Variants in SH3BP5 observed in about 807,000 individuals in gnomAD.
The protein encoded by SH3BP5 is SH3 domain binding protein 5, also known as SH3 domain-binding protein 5.
In SH3BP5, 22 loss-of-function variants were observed where a neutral mutation model predicts 43.3. The observed-to-expected ratio is 0.51, with a 90% CI of 0.36 to 0.73. The LOEUF is 0.73. SH3BP5 is among the 30% of genes least tolerant of loss of function. SH3BP5 has a pLI of 0.00. For missense variants in SH3BP5, 529 were observed against 586.9 expected (o/e 0.90, Z 1.02); for synonymous variants, 255 against 225.8 (o/e 1.13, Z -1.16).
At chr3:15,276,682 C>T (rs1215033898) in intron 3 of SH3BP5, among the ~76,000 whole-genome samples, 1 of 152,230 alleles carries the variant, frequency 6.6e-6, no homozygotes, top group East Asian at 1.9e-4. Flanking sequence ...AAGTCATACT[C>T]TAGCAGGTGG....
chr3:15,278,063 C>T (rs1575301938), intron 3 of SH3BP5, among the ~76,000 whole-genome samples: 2 of 152,240 alleles, frequency 1.3e-5, no homozygotes, highest in African/African-American at 4.8e-5. Context: ...CCTCGTGCTT[C>T]GCTGGAGGAA....
chr3:15,262,726 G>A (rs1283225551), intron 4 of SH3BP5, among the ~76,000 whole-genome samples: 2 of 152,116 alleles, frequency 1.3e-5, no homozygotes, highest in Non-Finnish European at 2.9e-5. Context: ...GGGAGGCTGA[G>A]GTGGGTGGAT....
At chr3:15,315,966 G>T (rs1698174438) in intron 2 of SH3BP5, among the ~76,000 whole-genome samples, 1 of 152,110 alleles carries the variant, frequency 6.6e-6, no homozygotes, top group Non-Finnish European at 1.5e-5. Flanking sequence ...ATCAAAGTCA[G>T]AAAATTAACA....
intron 2 of SH3BP5, among the ~76,000 whole-genome samples, chr3:15,322,809 T>C (rs1698362853): frequency 6.6e-6 from 1 of 151,794 alleles, no homozygotes; most frequent in South Asian, 2.1e-4. Context: ...CACCCTACCC[T>C]GGGCAACAGA....
chr3:15,323,220 G>A (rs780677058), intron 2 of SH3BP5, among the ~76,000 whole-genome samples: 27 of 152,298 alleles, frequency 1.8e-4, no homozygotes, highest in Non-Finnish European at 2.8e-4. Context: ...AGGCCACAGC[G>A]CAACGCCCTG....
chr3:15,258,506 G>T (rs974315600), intron 7 of SH3BP5: 4 of 365,240 alleles, frequency 1.1e-5, no homozygotes, highest in Non-Finnish European at 2.0e-5. Flanking sequence ...TGTAAAGGTA[G>T]CTTTGAATCA....
intron 8 of SH3BP5, 176 bp downstream of exon 8, chr3:15,256,677 C>T (rs1575271113): frequency 1.4e-5 from 10 of 709,382 alleles, no homozygotes; most frequent in East Asian, 5.5e-5. Flanking sequence ...GAGCCAGGAG[C>T]CCCCCCAGAA....
intron 6 of SH3BP5, chr3:15,259,525 G>A (rs1696353347): frequency 1.6e-6 from 1 of 608,362 alleles, no homozygotes; most frequent in Non-Finnish European, 2.9e-6. Context: ...CTAAGAGCAT[G>A]CTGTGAGAAC....
At chr3:15,327,973 C>G (rs1051791343) in intron 2 of SH3BP5, among the ~76,000 whole-genome samples, 29 of 152,102 alleles carry the variant, frequency 1.9e-4, no homozygotes, top group African/African-American at 7.0e-4. Flanking sequence ...CTTGGATATT[C>G]CGGGTTAAAC....
At chr3:15,337,877 G>C (rs1698720384) in intron 1 of SH3BP5, among the ~76,000 whole-genome samples, 1 of 143,330 alleles carries the variant, frequency 7.0e-6, no homozygotes, top group Non-Finnish European at 1.5e-5. Context: ...GAAGTGCCAT[G>C]GCACTATAGC....
At chr3:15,289,017 C>G (rs142056415) in intron 3 of SH3BP5, among the ~76,000 whole-genome samples, 3 of 152,144 alleles carry the variant, frequency 2.0e-5, no homozygotes, top group African/African-American at 7.2e-5. Context: ...ACCATAGATA[C>G]GGAGATACAG....
chr3:15,330,701 G>A (rs1316079247), intron 1 of SH3BP5, 135 bp from the exon 2 acceptor site: 1 of 1,401,452 alleles, frequency 7.1e-7, no homozygotes. Context: ...AATTCTTACG[G>A]CAAACAGTTG....
At chr3:15,271,103 G>A (rs1007674488) in intron 3 of SH3BP5, among the ~76,000 whole-genome samples, 3 of 151,930 alleles carry the variant, frequency 2.0e-5, no homozygotes, top group African/African-American at 7.2e-5. Context: ...TTTCAGCTGG[G>A]TGCAATGGAT....
At chr3:15,274,239 C>T (rs573508887) in intron 3 of SH3BP5, among the ~76,000 whole-genome samples, 1 of 149,938 alleles carries the variant, frequency 6.7e-6, no homozygotes, top group South Asian at 2.1e-4. Context: ...GAGCAAGACT[C>T]TAGCTCAACA....
At chr3:15,288,951 GTT>G (rs1191375627) in intron 3 of SH3BP5, among the ~76,000 whole-genome samples, 4 of 152,124 alleles carry the variant, frequency 2.6e-5, no homozygotes, top group Non-Finnish European at 2.9e-5. Flanking sequence ...GGGAAAGGAG[GTT>G]TTCCATACAA....
At chr3:15,337,822 G>A (rs1330366335) in intron 1 of SH3BP5, among the ~76,000 whole-genome samples, 1 of 151,040 alleles carries the variant, frequency 6.6e-6, no homozygotes, top group Non-Finnish European at 1.5e-5. Context: ...GGGTGAGGCA[G>A]GAGGATCCCC....
At chr3:15,341,000 C>T (rs994859561) in intron 1 of SH3BP5, among the ~76,000 whole-genome samples, 1 of 151,884 alleles carries the variant, frequency 6.6e-6, no homozygotes, top group Non-Finnish European at 1.5e-5. Context: ...TGTGATGAGC[C>T]GAGAGCACAC....
At chr3:15,260,024 G>T in intron 5 of SH3BP5, 1 of 585,124 alleles carries the variant, frequency 1.7e-6, no homozygotes, top group East Asian at 2.9e-5. Flanking sequence ...ATATTAACAG[G>T]AGGCCCATCT....
chr3:15,293,923 C>T (rs1254744917), intron 3 of SH3BP5, among the ~76,000 whole-genome samples: 1 of 151,638 alleles, frequency 6.6e-6, no homozygotes, highest in Non-Finnish European at 1.5e-5. Flanking sequence ...ACTAAAAATA[C>T]AAAAATTAGC....
Sources: allele counts gnomAD v4.1 joint callset (sites outside exome capture counted in the v4.1 genomes callset), GRCh38; gene constraint gnomAD v4.1.1; transcripts MANE v1.5; gene names NCBI Gene and HGNC (gene_info 2026-07-23, HGNC 2026-07-21).